The following CDH4 variants were observed in gnomAD, a reference collection of about 807,000 sequenced individuals.
CDH4 encodes the protein cadherin-4.
Under a neutral mutation model 86.0 loss-of-function variants are expected in CDH4, and 33 were observed. That is an observed-to-expected ratio of 0.38 (90% CI 0.29 to 0.51). The LOEUF (loss-of-function observed/expected upper bound fraction) is 0.51, where lower values mean the gene tolerates loss of function less well. CDH4 is among the 20% of genes least tolerant of loss of function. The pLI, the probability that CDH4 is intolerant of heterozygous loss-of-function variation, is 0.86. For synonymous variants in CDH4, 555 were observed against 549.4 expected (o/e 1.01, Z -0.14); for missense variants, 1,114 against 1,307.4 (o/e 0.85, Z 2.28).
chr20:61,589,646 G>T (rs535662971), intron 2 of CDH4, among the ~76,000 whole-genome samples: 15 of 152,166 alleles, frequency 9.9e-5, no homozygotes, highest in Admixed American at 6.5e-4. Flanking sequence ...AAGGATTCAT[G>T]GTTGACATTG....
intron 2 of CDH4, among the ~76,000 whole-genome samples, chr20:61,543,685 A>T (rs957471603): frequency 6.6e-6 from 1 of 152,158 alleles, no homozygotes; most frequent in African/African-American, 2.4e-5. Flanking sequence ...TGACCAGGTG[A>T]CCCCCAGGAG....
intron 2 of CDH4, among the ~76,000 whole-genome samples, chr20:61,276,141 T>A (rs1200704893): frequency 6.6e-6 from 1 of 152,222 alleles, no homozygotes; most frequent in African/African-American, 2.4e-5. Context: ...ATAACCTGTT[T>A]AGAAAAACTC....
At position 61,714,021 on chromosome 20, in the gene CDH4, TTTTTA is replaced by T. The variant is rs373689820; in HGVS notation, c.170-29503_170-29499del. ...CTGTCTTAGTCCATTGTCTATTCTTTTTTTATTTTATTTTATTTTATTTTATTTTA... is the reference window on the plus strand; with the variant it reads ...CTGTCTTAGTCCATTGTCTATTCTTTTTTTATTTTATTTTATTTTATTTTA... On this transcript the variant is annotated intron_variant, in intron 2 of 15. Transcript: ENST00000614565. Among the ~76,000 whole-genome samples the T allele has an allele frequency of 5.9e-3, 801 of 135,982 alleles. 24 individuals carry two copies. Among genetic ancestry groups the T allele is most frequent in the Middle Eastern group, 0.019 (5 of 268 alleles). The allele number at this position is 135,982 out of a possible 152,430, so 89.2% of individuals were successfully genotyped here.
rs6121646 is a variant in CDH4 at position 61,494,994 on chromosome 20, T to A, written c.169+240057T>A. ...GGAAACTGAGGCTGGAAGAGGACTA[T>A]CCACAGGGAGCCACCTTGCATGGTG... On this transcript the variant is annotated intron_variant, in intron 2 of 15. Transcript: ENST00000614565. Among the ~76,000 whole-genome samples the A allele has an allele frequency of 8.2e-3, 1,251 of 152,334 alleles. 18 individuals are homozygous for A. Among genetic ancestry groups the A allele is most frequent in the African/African-American group, 0.029 (1,205 of 41,578 alleles).
chr20:61,438,211 G>A (rs2085295811), intron 2 of CDH4, among the ~76,000 whole-genome samples: 1 of 152,030 alleles, frequency 6.6e-6, no homozygotes, highest in Non-Finnish European at 1.5e-5. Context: ...TTAATTCAAG[G>A]ACAAGTATCT....
At chr20:61,531,494 AAG>A (rs1491272390) in intron 2 of CDH4, among the ~76,000 whole-genome samples, 1,632 of 90,198 alleles carry the variant, frequency 0.018, 37 homozygotes, top group African/African-American at 0.11. Flanking sequence ...AAAAAAAAAA[AAG>A]GGATTTAGCA....
chr20:61,830,125 C>T (rs1230118375), intron 4 of CDH4, among the ~76,000 whole-genome samples: 1 of 150,172 alleles, frequency 6.7e-6, no homozygotes, highest in Non-Finnish European at 1.5e-5. Flanking sequence ...CCCCCACACC[C>T]GTTCATGTGA....
intron 2 of CDH4, among the ~76,000 whole-genome samples, chr20:61,605,324 C>CCT (rs55716623): frequency 0.61 from 91,790 of 150,218 alleles, 28,963 homozygotes; most frequent in Non-Finnish European, 0.69. Context: ...GCCCACTCTG[C>CCT]CTCTCTCTCT....
At chr20:61,536,096 G>A (rs1297504198) in intron 2 of CDH4, among the ~76,000 whole-genome samples, 1 of 152,210 alleles carries the variant, frequency 6.6e-6, no homozygotes, top group East Asian at 1.9e-4. Flanking sequence ...GGCCCAGTGA[G>A]TGGCCCAGGC....
At chr20:61,457,608 G>T (rs867212592) in intron 2 of CDH4, among the ~76,000 whole-genome samples, 16 of 152,152 alleles carry the variant, frequency 1.1e-4, no homozygotes, top group Admixed American at 2.6e-4. Context: ...GATCATGATG[G>T]TGCTGACAGT....
intron 2 of CDH4, among the ~76,000 whole-genome samples, chr20:61,648,064 T>A (rs1156727954): frequency 2.6e-5 from 4 of 152,292 alleles, no homozygotes; most frequent in Admixed American, 1.3e-4. Flanking sequence ...CAGGCAGGCG[T>A]GGGCTCCAGC....
At chr20:61,530,128 G>C (rs536139733) in intron 2 of CDH4, among the ~76,000 whole-genome samples, 31 of 152,216 alleles carry the variant, frequency 2.0e-4, no homozygotes, top group African/African-American at 6.7e-4. Context: ...CGCCTCCCAG[G>C]TTCAAGCGAT....
intron 13 of CDH4, 96 bp downstream of exon 13, chr20:61,929,938 T>C (rs1487707408): frequency 6.7e-6 from 6 of 895,092 alleles, no homozygotes; most frequent in African/African-American, 1.6e-5. Context: ...GATTTGCCCC[T>C]CAGCCCTCAT....
Position 61,516,416 on chromosome 20 carries a change from C to T in CDH4, c.170-227147C>T, listed in dbSNP as rs749215944. 1.8e-4 allele frequency among the ~76,000 whole-genome samples: 27 copies of T among 152,150 alleles called. No homozygotes were observed. The highest frequency in any genetic ancestry group is 3.4e-4 in the Non-Finnish European group (23 of 68,024). On this transcript the variant is annotated intron_variant, in intron 2 of 15. Coordinates refer to ENST00000614565, the MANE Select transcript of CDH4 (RefSeq NM_001794.5). This position sits in a 1 kb window ranked among gnomAD's most constrained non-coding sequence, Gnocchi z 4.0. ...TGCATGAGCTCATGTGCATCACCTC[C>T]GACTCCTCATCACCAGATGCCGCTG...
intron 2 of CDH4, among the ~76,000 whole-genome samples, chr20:61,531,968 G>A (rs2085957923): frequency 6.6e-6 from 1 of 152,270 alleles, no homozygotes; most frequent in Non-Finnish European, 1.5e-5. Flanking sequence ...GAGGAAACGA[G>A]GTGGCTTCAG....
intron 2 of CDH4, among the ~76,000 whole-genome samples, chr20:61,504,817 A>T (rs2085728999): frequency 6.6e-6 from 1 of 152,200 alleles, no homozygotes; most frequent in Non-Finnish European, 1.5e-5. Flanking sequence ...ATCTCGGCAC[A>T]GAGTTGGTCA....
chr20:61,895,708 G>T (rs919049325), intron 8 of CDH4, among the ~76,000 whole-genome samples: 1 of 152,216 alleles, frequency 6.6e-6, no homozygotes, highest in African/African-American at 2.4e-5. Context: ...AGAGGCCACT[G>T]CGCCGACAGA....
At chr20:61,659,921 C>T (rs529665433) in intron 2 of CDH4, among the ~76,000 whole-genome samples, 51 of 152,328 alleles carry the variant, frequency 3.3e-4, no homozygotes, top group African/African-American at 1.1e-3. Context: ...CTGTCCCCAC[C>T]GTGTCTCCTG....
intron 2 of CDH4, among the ~76,000 whole-genome samples, chr20:61,548,240 G>T (rs752365978): frequency 3.3e-5 from 5 of 152,164 alleles, no homozygotes; most frequent in African/African-American, 1.2e-4. Flanking sequence ...CCGAGCAGAC[G>T]GGTGGTTTCA....
Sources: allele counts gnomAD v4.1 joint callset (sites outside exome capture counted in the v4.1 genomes callset), GRCh38; gene constraint gnomAD v4.1.1; non-coding constraint Gnocchi (gnomAD v3.1); transcripts MANE v1.5; gene names NCBI Gene and HGNC (gene_info 2026-07-23, HGNC 2026-07-21).